Variants in NPR3 observed in about 807,000 individuals in gnomAD.
The protein encoded by NPR3 is atrial natriuretic peptide receptor 3.
Under a neutral mutation model 54.5 loss-of-function variants are expected in NPR3, and 34 were observed. That is an observed-to-expected ratio of 0.62 (90% CI 0.47 to 0.83). The LOEUF is 0.83. Ranked by LOEUF, NPR3 falls within the 40% of genes least tolerant of loss-of-function variation. The pLI is 0.00. For missense variants in NPR3, 674 were observed against 720.8 expected, an observed-to-expected ratio of 0.94 and a Z score of 0.74; for synonymous variants, 289 against 297.1, an observed-to-expected ratio of 0.97 and a Z score of 0.28.
In NPR3 at chr5:32,783,029, G is replaced by C; in HGVS notation, c.1426+1G>C. The C allele has an allele frequency of 6.3e-7, 1 of 1,596,944 alleles. No homozygotes were observed. The highest frequency in any genetic ancestry group is 1.3e-5 in the African/African-American group (1 of 74,862). On this transcript the variant is annotated splice_donor_variant, in intron 6 of 7. Transcript: ENST00000265074. LOFTEE classifies it high-confidence loss of function. ...ACAAACAGCTCTCCCTGCAAATCAT[G>C]TAAGTCTGGAGACTTAATTTGCTAT...
chr5:32,712,774 G>C (rs1350401158), intron 1 of NPR3, among the ~76,000 whole-genome samples: 2 of 152,230 alleles, frequency 1.3e-5, no homozygotes, highest in African/African-American at 4.8e-5. Context: ...AGGAGAGGGC[G>C]TCTGTAGCTC....
At chr5:32,729,281 G>T (rs1363916648) in intron 2 of NPR3, among the ~76,000 whole-genome samples, 1 of 151,828 alleles carries the variant, frequency 6.6e-6, no homozygotes, top group Non-Finnish European at 1.5e-5. Context: ...CGCCCACCTC[G>T]GCCTCCCAAA....
chr5:32,713,877 A>G (rs1426548996), intron 1 of NPR3, among the ~76,000 whole-genome samples: 1 of 152,200 alleles, frequency 6.6e-6, no homozygotes, highest in African/African-American at 2.4e-5. Flanking sequence ...CCAAATTTTG[A>G]GCTCTGGAAC....
At chr5:32,731,200 T>C (rs1739431312) in intron 2 of NPR3, among the ~76,000 whole-genome samples, 4 of 152,224 alleles carry the variant, frequency 2.6e-5, no homozygotes, top group Admixed American at 1.3e-4. Flanking sequence ...TGAGTTTAAT[T>C]TTTCTGCTTC....
At chr5:32,728,385 C>T (rs1196371711) in intron 2 of NPR3, among the ~76,000 whole-genome samples, 1 of 151,632 alleles carries the variant, frequency 6.6e-6, no homozygotes, top group Admixed American at 6.6e-5. Context: ...ATTGCTTGAA[C>T]CTGGGAGGTG....
intron 1 of NPR3, among the ~76,000 whole-genome samples, chr5:32,691,299 G>GT (rs1740382969): frequency 6.6e-6 from 1 of 152,186 alleles, no homozygotes. Context: ...GCGAGTACTT[G>GT]TTTTTGGACA....
chr5:32,723,218 C>T (rs557676212), intron 1 of NPR3, among the ~76,000 whole-genome samples: 1 of 152,306 alleles, frequency 6.6e-6, no homozygotes, highest in South Asian at 2.1e-4. Context: ...TCTCTCTGCA[C>T]AGTATGTGTG....
chr5:32,728,852 T>C (rs1413645040), intron 2 of NPR3, among the ~76,000 whole-genome samples: 4 of 120,242 alleles, frequency 3.3e-5, no homozygotes, highest in Admixed American at 7.9e-5. Context: ...TATATATATA[T>C]ATATATATAT....
chr5:32,708,491 G>A (rs964409984), upstream of NPR3, among the ~76,000 whole-genome samples: 31 of 152,226 alleles, frequency 2.0e-4, no homozygotes, highest in Middle Eastern at 3.4e-3. Context: ...ACTTAGAGTA[G>A]AAATTAACTT....
chr5:32,720,738 C>T (rs1738810763), intron 1 of NPR3, among the ~76,000 whole-genome samples: 1 of 152,180 alleles, frequency 6.6e-6, no homozygotes, highest in Admixed American at 6.5e-5. Flanking sequence ...TTAACCTCCA[C>T]TTATGCAGGT....
At chr5:32,769,520 C>G (rs1284087456) in intron 3 of NPR3, among the ~76,000 whole-genome samples, 1 of 152,196 alleles carries the variant, frequency 6.6e-6, no homozygotes, top group Non-Finnish European at 1.5e-5. Flanking sequence ...CCCCTTCAAC[C>G]AAAATGGGTG....
rs558662012 is a variant in NPR3, at chr5:32,790,010, C to A, written c.*3665C>A. The A allele has an allele frequency of 4.0e-6, 1 of 247,882 alleles. No homozygotes were observed. The highest frequency in any genetic ancestry group is 2.2e-5 in the African/African-American group (1 of 44,578). 15.4% of individuals were successfully genotyped at this position (247,882 alleles called of 1,614,324 possible). On this transcript the variant is annotated 3_prime_UTR_variant, in exon 8 of 8. Transcript: ENST00000265074. ...TGTCAGCCCAAATTAGGCCCCTCGA[C>A]CTACAGACATTTCATGGGTTTTATT... is the stretch of plus-strand genomic sequence containing the variant.
intron 3 of NPR3, among the ~76,000 whole-genome samples, chr5:32,772,765 T>C (rs1741836702): frequency 6.6e-6 from 1 of 151,594 alleles, no homozygotes; most frequent in African/African-American, 2.4e-5. Context: ...CTATTTGAAG[T>C]CTTCTACATT....
Position 32,702,471 on chromosome 5 carries a change from C to T in NPR3, c.100+13285C>T, listed in dbSNP as rs530266814. On this transcript the variant is annotated intron_variant, in intron 1 of 5. Transcript: ENST00000509104. ...TCCCCTTCCTGTGTCCATGTGTTCT[C>T]ATTGTTCAATTCCCACCTATGAGTG... 3.8e-3 allele frequency among the ~76,000 whole-genome samples: 536 copies of T among 139,584 alleles called. 4 individuals carry two copies. Among genetic ancestry groups the T allele is most frequent in the African/African-American group, 0.014 (509 of 37,446 alleles). The allele number at this position is 139,584 out of a possible 152,430, so 91.6% of individuals were successfully genotyped here. A position where few individuals can be genotyped will look rare whatever the true frequency, so the allele number is the denominator to read the frequency against.
At chr5:32,753,747 G>T (rs1740696278) in intron 3 of NPR3, among the ~76,000 whole-genome samples, 1 of 151,038 alleles carries the variant, frequency 6.6e-6, no homozygotes, top group Non-Finnish European at 1.5e-5. Context: ...GAAAAGGAAG[G>T]CTTAAAGTAA....
chr5:32,706,941 T>C (rs1738009239), upstream of NPR3, among the ~76,000 whole-genome samples: 1 of 152,230 alleles, frequency 6.6e-6, no homozygotes, highest in Non-Finnish European at 1.5e-5. Flanking sequence ...ATTTTAAATT[T>C]TTATCTTTTA....
At chr5:32,763,608 C>G (rs1254326082) in intron 3 of NPR3, among the ~76,000 whole-genome samples, 2 of 151,946 alleles carry the variant, frequency 1.3e-5, no homozygotes, top group Non-Finnish European at 2.9e-5. Context: ...GCCATTGTGC[C>G]CAGCCTCTTT....
intron 1 of NPR3, chr5:32,716,707 A>G (rs1370024379): frequency 6.3e-6 from 1 of 158,124 alleles, no homozygotes; most frequent in Non-Finnish European, 1.4e-5. Context: ...TAAGTCACAT[A>G]GGCTTCTATG....
chr5:32,749,767 C>T (rs761013451), intron 3 of NPR3, among the ~76,000 whole-genome samples: 1 of 152,180 alleles, frequency 6.6e-6, no homozygotes, highest in South Asian at 2.1e-4. Flanking sequence ...TTCAGCTATG[C>T]CTGGTACCTT....
Sources: gnomAD v4.1 joint callset for allele counts (sites outside exome capture counted in the v4.1 genomes callset) on GRCh38, gnomAD v4.1.1 for gene constraint, MANE v1.5 for transcripts, NCBI Gene and HGNC (gene_info 2026-07-23, HGNC 2026-07-21) for gene names.